The following YAE1 variants were observed in gnomAD, a reference collection of about 807,000 sequenced individuals.
YAE1 encodes YAE1 maturation factor of ABCE1.
Under a neutral mutation model 23.0 loss-of-function variants are expected in YAE1, and 22 were observed. That is an observed-to-expected ratio of 0.96 (90% confidence interval 0.68 to 1.37). YAE1 has a LOEUF of 1.37. Among genes scored for constraint, YAE1 ranks in the 40% most tolerant of loss-of-function variants. YAE1 has a pLI of 0.00. For missense variants in YAE1, 260 were observed against 262.1 expected, an observed-to-expected ratio of 0.99 and a Z score of 0.06; for synonymous variants, 101 against 97.0, an observed-to-expected ratio of 1.04 and a Z score of -0.24.
intron 2 of YAE1, among the ~76,000 whole-genome samples, chr7:39,608,265 C>A (rs564892611): frequency 6.6e-6 from 1 of 152,138 alleles, no homozygotes; most frequent in Non-Finnish European, 1.5e-5. Context: ...ATTTATTTAA[C>A]GCCTATAAAA....
chr7:39,592,125 G>A (rs1790908864), intron 2 of YAE1, among the ~76,000 whole-genome samples: 1 of 152,160 alleles, frequency 6.6e-6, no homozygotes, highest in Non-Finnish European at 1.5e-5. Context: ...GCAATTATGA[G>A]TAAAGCTGCA....
At chr7:39,584,524 T>G (rs1157577964) in intron 2 of YAE1, among the ~76,000 whole-genome samples, 1 of 152,218 alleles carries the variant, frequency 6.6e-6, no homozygotes, top group Non-Finnish European at 1.5e-5. Context: ...CTTATCCTAA[T>G]TTATTGCCTT....
chr7:39,599,204 C>T (rs1442369944), intron 2 of YAE1, among the ~76,000 whole-genome samples: 2 of 151,958 alleles, frequency 1.3e-5, no homozygotes, highest in African/African-American at 2.4e-5. Context: ...CATGCCATTA[C>T]CCTCCAGCCT....
chr7:39,570,632 T>C lies in YAE1; in HGVS notation c.251+5T>C. The C allele has an allele frequency of 6.3e-7, 1 of 1,588,830 alleles. No individual in the cohort carries two copies. Among genetic ancestry groups the C allele is most frequent in the Non-Finnish European group, 8.5e-7 (1 of 1,174,326 alleles). On this transcript the variant is annotated splice_donor_5th_base_variant and intron_variant, in intron 2 of 2. Coordinates refer to ENST00000223273, the MANE Select transcript of YAE1 (RefSeq NM_020192.5). Reference sequence around the variant, plus strand: ...ACGACTCCGAGGAACATTGAGGTAATTTTTAAAGTCTAAATGCTGAATCAT... The same window carrying C: ...ACGACTCCGAGGAACATTGAGGTAACTTTTAAAGTCTAAATGCTGAATCAT...
At chr7:39,610,968 A>G (rs945529263), downstream of YAE1, among the ~76,000 whole-genome samples, 1 of 151,956 alleles carries the variant, frequency 6.6e-6, no homozygotes, top group Non-Finnish European at 1.5e-5. Context: ...GCCAACGTGG[A>G]GAAACCCTGT....
rs137996965 is a variant in YAE1, at chr7:39,567,495, C to T, written c.129+948C>T. 7.4e-3 allele frequency among the ~76,000 whole-genome samples: 1,129 copies of T among 152,136 alleles called. 18 individuals carry two copies. The highest frequency in any genetic ancestry group is 0.026 in the African/African-American group (1,072 of 41,494). Reference sequence around the variant, plus strand: ...TTTTTTAAACAATTTCCTCTCTCTGCTTTGCCCTGTCTCCTCACCCACCCA... The same window carrying T: ...TTTTTTAAACAATTTCCTCTCTCTGTTTTGCCCTGTCTCCTCACCCACCCA... On this transcript the variant is annotated intron_variant, in intron 1 of 2. Transcript: ENST00000223273.
chr7:39,608,898 T>G (rs1466851493), intron 2 of YAE1, among the ~76,000 whole-genome samples: 6 of 152,192 alleles, frequency 3.9e-5, no homozygotes, highest in Admixed American at 3.9e-4. Context: ...CAACCAATAC[T>G]CATTCTGAGT....
At chr7:39,585,550 G>A (rs1373269612) in intron 2 of YAE1, among the ~76,000 whole-genome samples, 1 of 152,194 alleles carries the variant, frequency 6.6e-6, no homozygotes, top group Non-Finnish European at 1.5e-5. Flanking sequence ...GAAAATAAAT[G>A]TCTGTTCAAC....
At chr7:39,603,487 T>G (rs1486125791) in intron 2 of YAE1, among the ~76,000 whole-genome samples, 1 of 152,076 alleles carries the variant, frequency 6.6e-6, no homozygotes, top group Admixed American at 6.6e-5. Flanking sequence ...CCTAAGTAGG[T>G]GGAAAACTAA....
intron 2 of YAE1, among the ~76,000 whole-genome samples, chr7:39,583,078 A>T (rs1790768317): frequency 6.6e-6 from 1 of 152,234 alleles, no homozygotes; most frequent in Non-Finnish European, 1.5e-5. Context: ...AGAGTAGAGA[A>T]AAATTAGAAT....
At chr7:39,608,013 C>T (rs1407636474) in intron 2 of YAE1, among the ~76,000 whole-genome samples, 1 of 152,168 alleles carries the variant, frequency 6.6e-6, no homozygotes, top group Non-Finnish European at 1.5e-5. Flanking sequence ...GCACTGATTC[C>T]TTTTCTGTTG....
intron 2 of YAE1, among the ~76,000 whole-genome samples, chr7:39,578,563 A>G (rs932976073): frequency 2.0e-5 from 3 of 152,186 alleles, no homozygotes; most frequent in African/African-American, 7.2e-5. Context: ...CCACGAACCC[A>G]TTGGAAGAAT....
rs552028918 is a variant in YAE1, at chr7:39,566,617, T to C, written c.129+70T>C. On this transcript the variant is annotated intron_variant, in intron 1 of 2. Coordinates refer to ENST00000223273, the MANE Select transcript of YAE1 (RefSeq NM_020192.5). Reference sequence around the variant, plus strand: ...GGCGCGGAGTTGTGAAGAAGCTGGGTCCAGAGTGGCCCCAGCCTGGCCCGG... The same window carrying C: ...GGCGCGGAGTTGTGAAGAAGCTGGGCCCAGAGTGGCCCCAGCCTGGCCCGG... 776 of 1,592,830 alleles carry C rather than the reference T, an allele frequency of 4.9e-4. 10 individuals carry two copies. In the South Asian group the frequency reaches 8.3e-3, roughly 17 times the overall value.
chr7:39,602,873 C>T (rs778388585), intron 2 of YAE1, among the ~76,000 whole-genome samples: 14 of 152,078 alleles, frequency 9.2e-5, no homozygotes, highest in South Asian at 2.1e-4. Flanking sequence ...CTCGATCTCC[C>T]GAGTAGCTGG....
chr7:39,578,849 A>G (rs1790699633), intron 2 of YAE1, among the ~76,000 whole-genome samples: 1 of 152,258 alleles, frequency 6.6e-6, no homozygotes, highest in African/African-American at 2.4e-5. Flanking sequence ...TTACGTTAAT[A>G]TAATAGCATT....
chr7:39,597,813 G>C (rs149122938), intron 2 of YAE1, among the ~76,000 whole-genome samples: 47 of 152,228 alleles, frequency 3.1e-4, no homozygotes, highest in African/African-American at 1.1e-3. Flanking sequence ...TTTTGTCCCA[G>C]AATAGTAAGC....
At chr7:39,609,654 C>G in exon 3 of YAE1, 1 of 1,535,692 alleles carries the variant, frequency 6.5e-7, no homozygotes, top group Non-Finnish European at 8.7e-7. Flanking sequence ...CTTGAGAGCC[C>G]CGCTGAGGAG....
Position 39,572,264 on chromosome 7 carries a change from T to C in YAE1, c.252-13T>C, listed in dbSNP as rs760610472. 41 of 1,586,046 alleles carry C rather than the reference T, an allele frequency of 2.6e-5. No individual in the cohort carries two copies. Among genetic ancestry groups the C allele is most frequent in the Non-Finnish European group, 3.4e-5 (40 of 1,166,604 alleles). On this transcript the variant is annotated splice_polypyrimidine_tract_variant and intron_variant, in intron 2 of 2. Transcript: ENST00000223273. ...TATTTTGCTATTTAACCCTTGTTTA[T>C]ACTTTTGTTCAGTGCTTTGCTCTCC...
At chr7:39,571,643 A>G (rs1238839690) in intron 2 of YAE1, among the ~76,000 whole-genome samples, 1 of 152,176 alleles carries the variant, frequency 6.6e-6, no homozygotes, top group Non-Finnish European at 1.5e-5. Flanking sequence ...ATATCAATGG[A>G]TTCTATTTTT....
Sources: gnomAD v4.1 joint callset for allele counts (sites outside exome capture counted in the v4.1 genomes callset) on GRCh38, gnomAD v4.1.1 for gene constraint, MANE v1.5 for transcripts, NCBI Gene and HGNC (gene_info 2026-07-23, HGNC 2026-07-21) for gene names.